Variants in BTRC observed in about 807,000 individuals in gnomAD.
BTRC encodes the protein F-box/WD repeat-containing protein 1A.
A neutral mutation model predicts 85.5 loss-of-function variants in BTRC; 42 were observed. That is an observed-to-expected ratio of 0.49 (90% confidence interval 0.38 to 0.64). BTRC has a LOEUF of 0.64. Ranked by LOEUF, BTRC falls within the 30% of genes least tolerant of loss-of-function variation. The probability of loss-of-function intolerance (pLI) is 0.00; values close to 1 mark genes in which losing one functional copy is unlikely to be tolerated. For synonymous variants in BTRC, 255 were observed against 263.3 expected (o/e 0.97, Z 0.30); for missense variants, 594 against 743.5 (o/e 0.80, Z 2.34).
intron 13 of BTRC, among the ~76,000 whole-genome samples, chr10:101,540,293 T>C (rs1008820635): frequency 4.1e-4 from 63 of 152,248 alleles, no homozygotes; most frequent in African/African-American, 1.5e-3. Context: ...TGAGTTAATC[T>C]TTGCATATGG....
chr10:101,362,687 G>A (rs1419029755), intron 1 of BTRC, among the ~76,000 whole-genome samples: 3 of 152,126 alleles, frequency 2.0e-5, no homozygotes, highest in Admixed American at 1.3e-4. Context: ...GAGCCACCAC[G>A]CCCGGCCAGA....
Position 101,455,217 on chromosome 10 carries a change from A to ATT in BTRC, c.157-6747_157-6746dup, listed in dbSNP as rs34726129. Among the ~76,000 whole-genome samples, 643 of 141,278 alleles carry ATT rather than the reference A, an allele frequency of 4.6e-3. 3 individuals are homozygous for ATT. The highest frequency in any genetic ancestry group is 0.014 in the Middle Eastern group (4 of 278). 92.7% of individuals were successfully genotyped at this position (141,278 alleles called of 152,430 possible). On this transcript the variant is annotated intron_variant, in intron 2 of 14. Coordinates refer to ENST00000370187, the MANE Select transcript of BTRC (RefSeq NM_033637.4). ...AAGCATGTGCCACTATGCCCAGCTA[A>ATT]TTTTTTTTTTTTTTTTTTATGTAGA...
At chr10:101,536,273 G>A (rs1319500022) in intron 11 of BTRC, among the ~76,000 whole-genome samples, 2 of 152,204 alleles carry the variant, frequency 1.3e-5, no homozygotes, top group East Asian at 1.9e-4. Context: ...CATTGAATTC[G>A]TTTTTATGCC....
intron 4 of BTRC, among the ~76,000 whole-genome samples, chr10:101,502,238 C>A (rs901501323): frequency 6.6e-6 from 1 of 152,160 alleles, no homozygotes; most frequent in Non-Finnish European, 1.5e-5. Context: ...AGGATGTTAG[C>A]TCTTTGGTAG....
At chr10:101,547,328 CTTTTTTTTTTTTTTTT>C (rs71016332) in intron 13 of BTRC, among the ~76,000 whole-genome samples, 2 of 79,636 alleles carry the variant, frequency 2.5e-5, no homozygotes, top group Non-Finnish European at 4.9e-5. Context: ...TATGGTTTTT[CTTTTTTTTTTTTTTTT>C]TTTTTTTTTT....
intron 8 of BTRC, among the ~76,000 whole-genome samples, 168 bp from the exon 9 acceptor site, chr10:101,532,784 G>GTGTGTGTGTGTGTGTGTGTGTGTA (rs373538962): frequency 1.4e-5 from 2 of 145,766 alleles, no homozygotes; most frequent in African/African-American, 5.1e-5. Context: ...GTGTGTGTGT[G>GTGTGTGTGTGTGTGTGTGTGTGTA]TGTGTGCGCG....
At chr10:101,506,254 GGT>G (rs1339986897) in intron 4 of BTRC, among the ~76,000 whole-genome samples, 7 of 152,086 alleles carry the variant, frequency 4.6e-5, no homozygotes, top group Admixed American at 4.6e-4. Context: ...TTTCAAAATG[GGT>G]GGCCCTTTGA....
At chr10:101,496,518 C>T (rs1418776925) in intron 4 of BTRC, among the ~76,000 whole-genome samples, 1 of 152,158 alleles carries the variant, frequency 6.6e-6, no homozygotes, top group Non-Finnish European at 1.5e-5. Flanking sequence ...TGGCCTCAGG[C>T]AGTCCTCTTG....
Position 101,455,983 on chromosome 10 carries a change from AAC to A in BTRC, c.157-5964_157-5963del, listed in dbSNP as rs745628596. On this transcript the variant is annotated intron_variant, in intron 2 of 14. Coordinates refer to ENST00000370187, the MANE Select transcript of BTRC (RefSeq NM_033637.4). ...ATGGTGAAACTCTGTCTCTACTAAA[AAC>A]ACACACACACACACACACACACACA... is the stretch of plus-strand genomic sequence containing the variant. Among the ~76,000 whole-genome samples, 319 of 96,040 alleles carry A rather than the reference AAC, an allele frequency of 3.3e-3. 13 individuals carry two copies. In the East Asian group the frequency reaches 0.06, roughly 18 times the overall value. The allele number at this position is 96,040 out of a possible 152,430, so 63.0% of individuals were successfully genotyped here.
At chr10:101,482,851 C>G (rs1336217338) in intron 4 of BTRC, among the ~76,000 whole-genome samples, 1 of 152,134 alleles carries the variant, frequency 6.6e-6, no homozygotes, top group Admixed American at 6.5e-5. Context: ...AGTGTTTTCT[C>G]AACTTGGTAC....
At chr10:101,549,952 A>G (rs1406760478) in intron 13 of BTRC, among the ~76,000 whole-genome samples, 1 of 152,158 alleles carries the variant, frequency 6.6e-6, no homozygotes, top group African/African-American at 2.4e-5. Flanking sequence ...TGGCCATGAT[A>G]GGAGTTTTTA....
intron 3 of BTRC, among the ~76,000 whole-genome samples, chr10:101,467,336 T>TG (rs1228714768): frequency 7.7e-6 from 1 of 129,660 alleles, no homozygotes; most frequent in Non-Finnish European, 1.8e-5. Context: ...AGGGTTTTTT[T>TG]TTTTTTTTTC....
At chr10:101,385,033 G>A (rs1017408013) in intron 1 of BTRC, among the ~76,000 whole-genome samples, 1 of 151,994 alleles carries the variant, frequency 6.6e-6, no homozygotes, top group African/African-American at 2.4e-5. Context: ...GACCAGCCTG[G>A]TCAACTTAGC....
intron 2 of BTRC, among the ~76,000 whole-genome samples, chr10:101,442,975 G>A (rs962669648): frequency 6.9e-5 from 10 of 145,650 alleles, no homozygotes; most frequent in African/African-American, 2.3e-4. Context: ...TCTGCCTCTC[G>A]GGTTCACACC....
At chr10:101,385,574 T>A (rs1278773341) in intron 1 of BTRC, among the ~76,000 whole-genome samples, 17 of 150,250 alleles carry the variant, frequency 1.1e-4, no homozygotes, top group African/African-American at 2.7e-4. Flanking sequence ...CTTTTTTTTT[T>A]AATTTAGTTT....
chr10:101,447,616 T>C (rs575790876), intron 2 of BTRC, among the ~76,000 whole-genome samples: 2 of 152,302 alleles, frequency 1.3e-5, no homozygotes, highest in East Asian at 3.8e-4. Flanking sequence ...AGTGGTATTT[T>C]CCATTCCATA....
At chr10:101,470,631 G>GT (rs1945499859) in intron 3 of BTRC, among the ~76,000 whole-genome samples, 1 of 152,248 alleles carries the variant, frequency 6.6e-6, no homozygotes, top group Admixed American at 6.5e-5. Flanking sequence ...CGCCTAGCCG[G>GT]TTTTTTCTTT....
Position 101,387,528 on chromosome 10 carries a change from C to CTTTTTTTTTTTTTTTTTTTTTTTTTTT in BTRC, c.48+33318_48+33319insTTTTTTTTTTTTTTTTTTTTTTTTTTT, listed in dbSNP as rs535656002. ...TGTGGCTTTTTATACCTTCATGGGA[C>CTTTTTTTTTTTTTTTTTTTTTTTTTTT]TTTTTTTTTTTTTTTTTTGAGATAG... is the stretch of plus-strand genomic sequence containing the variant. On this transcript the variant is annotated intron_variant, in intron 1 of 14. Coordinates refer to ENST00000370187, the MANE Select transcript of BTRC (RefSeq NM_033637.4). Among the ~76,000 whole-genome samples, 96 of 45,084 alleles carry CTTTTTTTTTTTTTTTTTTTTTTTTTTT rather than the reference C, an allele frequency of 2.1e-3. 29 individuals carry two copies. The highest frequency in any genetic ancestry group is 7.6e-3 in the East Asian group (6 of 786). The allele number at this position is 45,084 out of a possible 152,430, so 29.6% of individuals were successfully genotyped here.
chr10:101,495,209 A>G (rs1452066307), intron 4 of BTRC, among the ~76,000 whole-genome samples: 1 of 152,204 alleles, frequency 6.6e-6, no homozygotes, highest in East Asian at 1.9e-4. Flanking sequence ...ATTTTTTGGT[A>G]GGAAGTGTTT....
Sources: gnomAD v4.1 joint callset for allele counts (sites outside exome capture counted in the v4.1 genomes callset) on GRCh38, gnomAD v4.1.1 for gene constraint, MANE v1.5 for transcripts, NCBI Gene and HGNC (gene_info 2026-07-23, HGNC 2026-07-21) for gene names.